Variants in KCNIP4 observed in about 807,000 individuals in gnomAD.
KCNIP4 encodes potassium voltage-gated channel interacting protein 4, also known as Kv channel-interacting protein 4.
In KCNIP4, 12 loss-of-function variants were observed where a neutral mutation model predicts 34.0. The observed-to-expected ratio is 0.35, with a 90% CI of 0.23 to 0.57. KCNIP4 has a LOEUF of 0.57. Ranked by LOEUF, KCNIP4 falls within the 20% of genes least tolerant of loss-of-function variation. KCNIP4 has a pLI of 0.83. For missense variants in KCNIP4, 238 were observed against 311.7 expected (o/e 0.76, Z 1.78); for synonymous variants, 124 against 102.2 (o/e 1.21, Z -1.29).
Position 21,337,554 on chromosome 4 carries a change from T to C in KCNIP4, c.62-454845A>G, listed in dbSNP as rs147600072. Reference sequence around the variant, plus strand: ...AGATTCATTATTTTATAGTTATACTTGGTATTGAAAATTCTCAGAACCTGA... The same window carrying C: ...AGATTCATTATTTTATAGTTATACTCGGTATTGAAAATTCTCAGAACCTGA... On this transcript the variant is annotated intron_variant, in intron 1 of 8. Coordinates refer to ENST00000382152, the MANE Select transcript of KCNIP4 (RefSeq NM_025221.6). Among the ~76,000 whole-genome samples, 384 of 152,322 alleles carry C rather than the reference T, an allele frequency of 2.5e-3. 1 individual carries two copies. Among genetic ancestry groups the C allele is most frequent in the African/African-American group, 8.9e-3 (370 of 41,578 alleles).
intron 1 of KCNIP4, among the ~76,000 whole-genome samples, chr4:21,502,890 G>A (rs1733483884): frequency 6.6e-6 from 1 of 152,148 alleles, no homozygotes; most frequent in Non-Finnish European, 1.5e-5. Context: ...ATTTTTGGAA[G>A]ACATTTATAC....
chr4:21,769,651 G>T (rs1718646488), intron 1 of KCNIP4, among the ~76,000 whole-genome samples: 1 of 152,028 alleles, frequency 6.6e-6, no homozygotes, highest in African/African-American at 2.4e-5. Flanking sequence ...GAGACTGAAG[G>T]TTGATCTATG....
intron 1 of KCNIP4, among the ~76,000 whole-genome samples, chr4:20,909,670 C>A (rs1200759293): frequency 6.6e-6 from 1 of 152,122 alleles, no homozygotes; most frequent in East Asian, 1.9e-4. Context: ...TGCCTGCCTG[C>A]ACTATAAAGA....
intron 3 of KCNIP4, among the ~76,000 whole-genome samples, chr4:20,800,496 A>G (rs1714092088): frequency 6.6e-6 from 1 of 152,246 alleles, no homozygotes; most frequent in Admixed American, 6.5e-5. Flanking sequence ...TATTATTAAC[A>G]AGACACAAGA....
intron 1 of KCNIP4, among the ~76,000 whole-genome samples, chr4:21,347,067 T>G (rs1717509546): frequency 6.6e-6 from 1 of 152,196 alleles, no homozygotes. Context: ...TTCTGCAACC[T>G]TCTAGCTGTG....
At chr4:20,903,557 A>G (rs764726568) in intron 1 of KCNIP4, among the ~76,000 whole-genome samples, 1 of 152,078 alleles carries the variant, frequency 6.6e-6, no homozygotes, top group Non-Finnish European at 1.5e-5. Flanking sequence ...CCAATTGCCA[A>G]TCAAAAGATG....
chr4:21,890,459 C>T (rs940495228), intron 1 of KCNIP4, among the ~76,000 whole-genome samples: 1 of 151,930 alleles, frequency 6.6e-6, no homozygotes, highest in African/African-American at 2.4e-5. Context: ...GCCTAAAGAC[C>T]AATTTTATAT....
At chr4:21,061,804 T>C (rs1743945903) in intron 1 of KCNIP4, among the ~76,000 whole-genome samples, 1 of 152,108 alleles carries the variant, frequency 6.6e-6, no homozygotes, top group Non-Finnish European at 1.5e-5. Context: ...ATGGGGCTTT[T>C]AAAAATGTAA....
intron 1 of KCNIP4, among the ~76,000 whole-genome samples, chr4:21,747,550 T>C (rs1158164778): frequency 1.3e-5 from 2 of 152,142 alleles, no homozygotes; most frequent in African/African-American, 2.4e-5. Context: ...TTTTACTTTT[T>C]GGTAAAATAC....
At chr4:21,219,568 C>T (rs1424677448) in intron 1 of KCNIP4, among the ~76,000 whole-genome samples, 2 of 152,102 alleles carry the variant, frequency 1.3e-5, no homozygotes, top group Non-Finnish European at 2.9e-5. Flanking sequence ...CTTACAAATC[C>T]TTGCCAATTA....
chr4:21,379,999 C>T (rs907113850), intron 1 of KCNIP4, among the ~76,000 whole-genome samples: 1 of 151,660 alleles, frequency 6.6e-6, no homozygotes, highest in African/African-American at 2.4e-5. Flanking sequence ...CTACCAAGAA[C>T]AGAGGAATTT....
chr4:20,987,725 C>T (rs1049284815), intron 1 of KCNIP4, among the ~76,000 whole-genome samples: 18 of 151,912 alleles, frequency 1.2e-4, no homozygotes, highest in Non-Finnish European at 1.8e-4. Flanking sequence ...ATTGGCCGGG[C>T]GCGGTGGCTC....
At chr4:21,535,109 G>A (rs1737040361) in intron 1 of KCNIP4, among the ~76,000 whole-genome samples, 1 of 151,960 alleles carries the variant, frequency 6.6e-6, no homozygotes, top group African/African-American at 2.4e-5. Context: ...TAGTCTGTAA[G>A]CAAAAAGCAG....
intron 1 of KCNIP4, among the ~76,000 whole-genome samples, chr4:21,896,133 C>A (rs952133016): frequency 1.3e-5 from 2 of 152,210 alleles, no homozygotes; most frequent in Non-Finnish European, 2.9e-5. Context: ...CCTCTCTATG[C>A]GACAGAGTTC....
intron 1 of KCNIP4, among the ~76,000 whole-genome samples, chr4:21,131,609 CAAAACAAAAACA>C (rs1229446246): frequency 4.0e-5 from 6 of 151,714 alleles, no homozygotes; most frequent in African/African-American, 7.3e-5. Context: ...GACTCAGTCT[CAAAACAAAAACA>C]AAAACAAAAA....
intron 1 of KCNIP4, among the ~76,000 whole-genome samples, chr4:21,776,698 T>C (rs908843940): frequency 7.2e-5 from 11 of 152,046 alleles, no homozygotes; most frequent in African/African-American, 2.7e-4. Context: ...CAGGTAGAGG[T>C]GATTGGATCA....
chr4:21,241,143 CAAAAA>C (rs545560833), intron 1 of KCNIP4, among the ~76,000 whole-genome samples: 2 of 146,306 alleles, frequency 1.4e-5, no homozygotes, highest in Non-Finnish European at 3.0e-5. Context: ...GGTAAAAAGA[CAAAAA>C]AAAAGGAAAA....
intron 1 of KCNIP4, among the ~76,000 whole-genome samples, chr4:21,862,871 G>A (rs1369512342): frequency 1.3e-5 from 2 of 151,212 alleles, no homozygotes; most frequent in Non-Finnish European, 2.9e-5. Context: ...TGAGGCAGGA[G>A]AATGGCGTGA....
chr4:20,798,121 C>T (rs7658781), intron 3 of KCNIP4, among the ~76,000 whole-genome samples: 4,826 of 152,314 alleles, frequency 0.032, 203 homozygotes, highest in African/African-American at 0.095. Context: ...AAGTGCCTAT[C>T]ATGTCCCTTC....
Sources: gnomAD v4.1 joint callset for allele counts (sites outside exome capture counted in the v4.1 genomes callset) on GRCh38, gnomAD v4.1.1 for gene constraint, MANE v1.5 for transcripts, NCBI Gene and HGNC (gene_info 2026-07-23, HGNC 2026-07-21) for gene names.